Variants in BCR observed in about 807,000 individuals in gnomAD.
BCR encodes the protein breakpoint cluster region protein.
In BCR, 58 loss-of-function variants were observed where a neutral mutation model predicts 138.6. The ratio of observed to expected loss-of-function variants is 0.42; its 90% CI spans 0.34 to 0.52. The LOEUF (loss-of-function observed/expected upper bound fraction) is 0.52. Ranked by LOEUF, BCR falls within the 20% of genes least tolerant of loss-of-function variation. The pLI, the probability that BCR is intolerant of heterozygous loss-of-function variation, is 0.06. For missense variants in BCR, 1,599 were observed against 1,727.2 expected, an observed-to-expected ratio of 0.93 and a Z score of 1.32; for synonymous variants, 786 against 730.1, an observed-to-expected ratio of 1.08 and a Z score of -1.23.
chr22:23,280,962 A>AAC (rs760056654), intron 8 of BCR, among the ~76,000 whole-genome samples: 1 of 152,196 alleles, frequency 6.6e-6, no homozygotes, highest in African/African-American at 2.4e-5. Flanking sequence ...CTTGCATGGG[A>AAC]ACACACACAC....
At chr22:23,294,494 G>A (rs995517787) in intron 15 of BCR, among the ~76,000 whole-genome samples, 8 of 152,198 alleles carry the variant, frequency 5.3e-5, no homozygotes, top group African/African-American at 1.2e-4. Flanking sequence ...TCCGCCTCCC[G>A]GATTCAAGCA....
In BCR at chr22:23,315,587, C is replaced by G; in HGVS notation, c.*65C>G. Reference sequence around the variant, plus strand: ...GAAACCTCTGGCTAATCGGGCCATCCGTAGAGCGGGAACCTTCCTGAGGTG... The same window carrying G: ...GAAACCTCTGGCTAATCGGGCCATCGGTAGAGCGGGAACCTTCCTGAGGTG... On this transcript the variant is annotated 3_prime_UTR_variant, in exon 23 of 23. Transcript: ENST00000305877. 1 of 1,492,990 alleles carries G rather than the reference C, an allele frequency of 6.7e-7. No individual in the cohort carries two copies. The highest frequency in any genetic ancestry group is 9.3e-7 in the Non-Finnish European group (1 of 1,075,672). The allele number at this position is 1,492,990 out of a possible 1,614,324, so 92.5% of individuals were successfully genotyped here. A position where few individuals can be genotyped will look rare whatever the true frequency, so the allele number is the denominator to read the frequency against.
At chr22:23,200,960 T>A (rs1162073225) in intron 1 of BCR, among the ~76,000 whole-genome samples, 3 of 152,208 alleles carry the variant, frequency 2.0e-5, no homozygotes, top group Admixed American at 2.0e-4. Flanking sequence ...GGCTGGTACA[T>A]TAGGAGCCCA....
intron 5 of BCR, among the ~76,000 whole-genome samples, chr22:23,270,614 C>T (rs975028483): frequency 2.0e-5 from 3 of 152,196 alleles, no homozygotes; most frequent in African/African-American, 4.8e-5. Context: ...TGCATGGCAG[C>T]GTTTGGCCCC....
intron 20 of BCR, among the ~76,000 whole-genome samples, chr22:23,313,274 G>A (rs1411285567): frequency 3.9e-5 from 6 of 152,228 alleles, no homozygotes; most frequent in Non-Finnish European, 8.8e-5. Context: ...CTGCTGTGCT[G>A]TGGGGTCCTA....
At chr22:23,212,910 G>A (rs7286963) in intron 1 of BCR, among the ~76,000 whole-genome samples, 124 of 152,302 alleles carry the variant, frequency 8.1e-4, no homozygotes, top group East Asian at 6.4e-3. Flanking sequence ...TCAGTGTCTT[G>A]TCTGCAGAAA....
intron 5 of BCR, among the ~76,000 whole-genome samples, chr22:23,269,680 C>A (rs1277847384): frequency 6.6e-6 from 1 of 152,204 alleles, no homozygotes; most frequent in Non-Finnish European, 1.5e-5. Flanking sequence ...AGCTCCCTCC[C>A]CACTGCCAGC....
intron 1 of BCR, among the ~76,000 whole-genome samples, chr22:23,191,478 C>G (rs1194179427): frequency 6.6e-6 from 1 of 152,170 alleles, no homozygotes; most frequent in Non-Finnish European, 1.5e-5. Flanking sequence ...CAAAACCTTT[C>G]TAATGTCAAA....
chr22:23,263,868 G>A (rs1391237837), intron 4 of BCR: 2 of 968,348 alleles, frequency 2.1e-6, no homozygotes, highest in Non-Finnish European at 3.4e-6. Flanking sequence ...AATCTGGTCT[G>A]TTGCTATCAG....
rs2073476750 is a variant in BCR at position 23,268,915 on chromosome 22, A to T, written c.1860+400A>T. Among the ~76,000 whole-genome samples, 9 of 152,078 alleles carry T rather than the reference A, an allele frequency of 5.9e-5. No homozygotes were observed. In the South Asian group the frequency reaches 1.9e-3, roughly 32 times the overall value. On this transcript the variant is annotated intron_variant, in intron 5 of 22. Coordinates refer to ENST00000305877, the MANE Select transcript of BCR (RefSeq NM_004327.4). ...CTCTTCCTTTTCTAGCCTGCCAGAG[A>T]CCTTGAGAGCATTGAGGAAGCATTG...
chr22:23,301,574 C>A (rs554991654), intron 16 of BCR, among the ~76,000 whole-genome samples: 1 of 152,250 alleles, frequency 6.6e-6, no homozygotes, highest in Non-Finnish European at 1.5e-5. Flanking sequence ...GATTCAATGT[C>A]CCCTGCTCTG....
At chr22:23,311,450 C>T (rs2074006485) in intron 18 of BCR, among the ~76,000 whole-genome samples, 4 of 151,872 alleles carry the variant, frequency 2.6e-5, no homozygotes, top group South Asian at 2.1e-4. Context: ...CTGACCTTCC[C>T]GCAAAGGTCA....
intron 5 of BCR, 142 bp from the exon 6 acceptor site, chr22:23,271,390 C>A: frequency 1.2e-6 from 1 of 830,970 alleles, no homozygotes; most frequent in Non-Finnish European, 1.9e-6. Context: ...CCCTGCACAC[C>A]CTGTGACTTC....
chr22:23,315,787 G>A lies in BCR; in HGVS notation c.*265G>A. ...CCAAGCCAGTTCATCTCGGAGTCCA[G>A]GCCTGGCCCTGGGAGACAGGGTGAA... On this transcript the variant is annotated 3_prime_UTR_variant, in exon 23 of 23. Coordinates refer to ENST00000305877, the MANE Select transcript of BCR (RefSeq NM_004327.4). The A allele has an allele frequency of 1.8e-6, 1 of 557,700 alleles. No homozygotes were observed. Among genetic ancestry groups the A allele is most frequent in the Non-Finnish European group, 3.3e-6 (1 of 300,956 alleles). The allele number at this position is 557,700 out of a possible 1,614,324, so 34.5% of individuals were successfully genotyped here.
At chr22:23,233,866 C>T (rs1445772131) in intron 1 of BCR, among the ~76,000 whole-genome samples, 1 of 151,020 alleles carries the variant, frequency 6.6e-6, no homozygotes, top group African/African-American at 2.4e-5. Flanking sequence ...GGCGTGCCAG[C>T]CAGGGGCCCA....
chr22:23,273,217 G>A (rs1204308821), intron 7 of BCR, 84 bp downstream of exon 7: 1 of 1,458,712 alleles, frequency 6.9e-7, no homozygotes, highest in Non-Finnish European at 9.4e-7. Context: ...CCTTTTTTTA[G>A]TTGTCATAGC....
chr22:23,292,560 G>C lies in BCR; in HGVS notation c.2802G>C (p.Glu934Asp), dbSNP rs1157854326. Residue 934 changes from glutamate (E) to aspartate (D), a missense_variant, in exon 15 of 23, where the codon GAG becomes GAC. Physicochemically the swap from Glu to Asp is conservative, Grantham distance 45. Transcript: ENST00000305877. ...KQSSNLYCTL[E>D]VDSFGYFVNK... is the part of the protein sequence containing the mutation. The stretch of plus-strand genomic sequence containing the variant: ...CCACAGATCTGTACTGCACCCTGGA[G>C]GTGGATTCCTTTGGGTATTTTGTGA... 1 of 1,613,554 alleles carries C rather than the reference G, an allele frequency of 6.2e-7. No individual in the cohort carries two copies. The highest frequency in any genetic ancestry group is 1.7e-5 in the Admixed American group (1 of 60,006).
rs761985412 is a variant in BCR at position 23,181,872 on chromosome 22, G to A, written c.912G>A (p.Glu304=). Residue 304 remains glutamate (E), a synonymous_variant, in exon 1 of 23, where the codon GAG becomes GAA. Transcript: ENST00000305877. ...TCCTGCGCAGCCAGAGCACCTCTGA[G>A]CAGGAGAAGCGCCTTACCTGGCCCC... ...GPLLRSQSTS[E]QEKRLTWPRR... The A allele has an allele frequency of 1.2e-6, 2 of 1,613,152 alleles. No individual in the cohort carries two copies. The highest frequency in any genetic ancestry group is 2.7e-5 in the African/African-American group (2 of 74,956).
At chr22:23,251,575 G>A (rs1472230301) in intron 1 of BCR, among the ~76,000 whole-genome samples, 4 of 152,256 alleles carry the variant, frequency 2.6e-5, no homozygotes, top group African/African-American at 4.8e-5. Context: ...GGCCTTCCAC[G>A]TGGAAAGGAC....
Sources: gnomAD v4.1 joint callset for allele counts (sites outside exome capture counted in the v4.1 genomes callset) on GRCh38, gnomAD v4.1.1 for gene constraint, MANE v1.5 for transcripts, NCBI Gene and HGNC (gene_info 2026-07-23, HGNC 2026-07-21) for gene names.